Variants in ADAMTSL1 observed in about 807,000 individuals in gnomAD.
ADAMTSL1 encodes ADAMTS-like protein 1.
A neutral mutation model predicts 201.8 loss-of-function variants in ADAMTSL1; 126 were observed. That is an observed-to-expected ratio of 0.62 (90% confidence interval 0.54 to 0.72). The LOEUF (loss-of-function observed/expected upper bound fraction) is 0.72. ADAMTSL1 is among the 30% of genes least tolerant of loss of function. The pLI is 0.00. For missense variants in ADAMTSL1, 2,679 were observed against 2,277.8 expected (o/e 1.18, Z -3.59); for synonymous variants, 1,121 against 903.4 (o/e 1.24, Z -4.32).
Position 18,777,691 on chromosome 9 carries a change from G to A in ADAMTSL1, c.3462G>A (p.Gly1154=). 6.2e-7 allele frequency: 1 copy of A among 1,613,492 alleles called. No homozygotes were observed. Among genetic ancestry groups the A allele is most frequent in the Non-Finnish European group, 8.5e-7 (1 of 1,179,782 alleles). The change falls in exon 19 of 29, where the codon GGG becomes GGA. Residue 1154 remains glycine (G), a synonymous_variant. Transcript: ENST00000380548. ...SLRTSSTGDA[G]GGSRRPHRKP... Reference sequence around the variant, plus strand: ...GGACCTCCTCCACCGGGGACGCCGGGGGAGGCTCTCGAAGGCCACACCGCA... The same window carrying A: ...GGACCTCCTCCACCGGGGACGCCGGAGGAGGCTCTCGAAGGCCACACCGCA...
intron 2 of ADAMTSL1, among the ~76,000 whole-genome samples, chr9:18,327,502 C>T (rs1016845938): frequency 6.6e-6 from 1 of 152,168 alleles, no homozygotes; most frequent in Non-Finnish European, 1.5e-5. Context: ...CATTTTTCCC[C>T]TCTTATCTGT....
intron 1 of ADAMTSL1, among the ~76,000 whole-genome samples, chr9:18,135,724 T>C (rs1587132287): frequency 6.6e-6 from 1 of 152,200 alleles, no homozygotes; most frequent in Non-Finnish European, 1.5e-5. Context: ...TATGTGTATG[T>C]ATCCTATATG....
chr9:17,912,949 TC>T (rs1825946345), intron 1 of ADAMTSL1, among the ~76,000 whole-genome samples: 1 of 152,172 alleles, frequency 6.6e-6, no homozygotes, highest in South Asian at 2.1e-4. Flanking sequence ...GGGAATCCTT[TC>T]CCCATTGCTT....
chr9:18,627,997 G>A (rs1243529355), intron 5 of ADAMTSL1, among the ~76,000 whole-genome samples: 1 of 152,114 alleles, frequency 6.6e-6, no homozygotes, highest in Non-Finnish European at 1.5e-5. Context: ...CTAGGTACAA[G>A]TCCTTTGTGG....
intron 7 of ADAMTSL1, among the ~76,000 whole-genome samples, chr9:18,654,419 G>A (rs1587812829): frequency 6.6e-6 from 1 of 152,106 alleles, no homozygotes; most frequent in African/African-American, 2.4e-5. Flanking sequence ...GTACCTGAAA[G>A]GTATATAATT....
At chr9:18,876,599 T>C (rs569078987) in intron 23 of ADAMTSL1, among the ~76,000 whole-genome samples, 18 of 152,302 alleles carry the variant, frequency 1.2e-4, no homozygotes, top group Non-Finnish European at 2.1e-4. Context: ...TTCTAGCTTG[T>C]AGGGTTTCTG....
chr9:18,377,714 G>A (rs551753987), intron 2 of ADAMTSL1, among the ~76,000 whole-genome samples: 44 of 152,168 alleles, frequency 2.9e-4, no homozygotes, highest in African/African-American at 9.4e-4. Flanking sequence ...ATACAGTCGC[G>A]TGCCACCACG....
intron 2 of ADAMTSL1, among the ~76,000 whole-genome samples, chr9:18,377,676 T>C (rs1011974355): frequency 2.0e-5 from 3 of 152,112 alleles, no homozygotes; most frequent in Non-Finnish European, 4.4e-5. Flanking sequence ...TTCAAGCAAT[T>C]CTGCCTGAGC....
intron 2 of ADAMTSL1, among the ~76,000 whole-genome samples, chr9:18,198,155 C>A (rs1351985130): frequency 6.6e-6 from 1 of 151,992 alleles, no homozygotes. Flanking sequence ...CATAAAAACC[C>A]TAGAAGAAAA....
chr9:18,554,572 T>C (rs1056826743), intron 3 of ADAMTSL1, among the ~76,000 whole-genome samples: 1 of 151,828 alleles, frequency 6.6e-6, no homozygotes, highest in African/African-American at 2.4e-5. Context: ...GTCCTATTGT[T>C]AGAAACTCTG....
At chr9:18,518,289 C>T (rs147178689) in intron 2 of ADAMTSL1, among the ~76,000 whole-genome samples, 469 of 152,196 alleles carry the variant, frequency 3.1e-3, no homozygotes, top group African/African-American at 0.01. Flanking sequence ...TTTTCCACCC[C>T]GCCCCCCAAC....
chr9:18,612,997 A>C (rs950955875), intron 4 of ADAMTSL1, among the ~76,000 whole-genome samples: 9 of 152,200 alleles, frequency 5.9e-5, no homozygotes, highest in African/African-American at 2.2e-4. Flanking sequence ...AGCATCTATA[A>C]GAAATTAAAC....
intron 26 of ADAMTSL1, among the ~76,000 whole-genome samples, chr9:18,897,163 C>G (rs960257312): frequency 1.5e-4 from 23 of 152,322 alleles, no homozygotes; most frequent in African/African-American, 5.1e-4. Context: ...TCCATCTGGC[C>G]TCCCTGCGGG....
rs370878875 is a variant in ADAMTSL1, at chr9:18,899,112, A to G, written c.4851+6516A>G. On this transcript the variant is annotated intron_variant, in intron 26 of 28. Transcript: ENST00000380548. Reference sequence around the variant, plus strand: ...ACTTCAGCAAAGTCCCAGGATACAAAATTAATGTGCAAAAATTGCTGGCAT... The same window carrying G: ...ACTTCAGCAAAGTCCCAGGATACAAGATTAATGTGCAAAAATTGCTGGCAT... 1.2e-4 allele frequency among the ~76,000 whole-genome samples: 18 copies of G among 152,292 alleles called. No homozygotes were observed. The South Asian group carries it at 3.7e-3, about 32-fold the overall frequency.
chr9:18,889,340 G>T (rs1829094220), intron 24 of ADAMTSL1, among the ~76,000 whole-genome samples: 1 of 152,194 alleles, frequency 6.6e-6, no homozygotes, highest in African/African-American at 2.4e-5. Flanking sequence ...TTGGTGAGGT[G>T]AGGTTCACTG....
intron 2 of ADAMTSL1, among the ~76,000 whole-genome samples, chr9:18,510,177 T>C (rs1817947282): frequency 6.6e-6 from 1 of 152,216 alleles, no homozygotes; most frequent in Non-Finnish European, 1.5e-5. Context: ...CAGCTAATGA[T>C]TATTCTATTC....
At chr9:18,366,452 C>G (rs1471655349) in intron 2 of ADAMTSL1, among the ~76,000 whole-genome samples, 1 of 151,810 alleles carries the variant, frequency 6.6e-6, no homozygotes, top group Non-Finnish European at 1.5e-5. Flanking sequence ...TTGTAAGCAT[C>G]ATCATATACT....
In ADAMTSL1 at chr9:18,906,672, C is replaced by G; in HGVS notation, c.4962-20C>G. 6.5e-7 allele frequency: 1 copy of G among 1,545,676 alleles called. No individual in the cohort carries two copies. Among genetic ancestry groups the G allele is most frequent in the Non-Finnish European group, 8.7e-7 (1 of 1,143,844 alleles). ...GCCCCCACAGAAGCAAACCTTAACC[C>G]TGCCACCATCCTCCTGCAGGCCTGT... On this transcript the variant is annotated intron_variant, in intron 27 of 28. Coordinates refer to ENST00000380548, the MANE Select transcript of ADAMTSL1 (RefSeq NM_001040272.6).
At chr9:18,453,481 A>G (rs1405126492) in intron 2 of ADAMTSL1, among the ~76,000 whole-genome samples, 1 of 152,174 alleles carries the variant, frequency 6.6e-6, no homozygotes, top group Non-Finnish European at 1.5e-5. Flanking sequence ...TCATCTGAAC[A>G]TGCTTTTTTA....
Sources: allele counts gnomAD v4.1 joint callset (sites outside exome capture counted in the v4.1 genomes callset), GRCh38; gene constraint gnomAD v4.1.1; transcripts MANE v1.5; gene names NCBI Gene and HGNC (gene_info 2026-07-23, HGNC 2026-07-21).